Variants in RBFOX1 observed in about 807,000 individuals in gnomAD.
The protein encoded by RBFOX1 is RNA binding fox-1 homolog 1, also known as RNA binding protein fox-1 homolog 1.
RBFOX1 carries 8 observed loss-of-function variants against 57.7 expected under a neutral mutation model. That is an observed-to-expected ratio of 0.14 (90% CI 0.08 to 0.25). RBFOX1 has a LOEUF of 0.25. RBFOX1 is among the 10% of genes least tolerant of loss of function. RBFOX1 has a pLI of 1.00. For missense variants in RBFOX1, 611 were observed against 548.5 expected (o/e 1.11, Z -1.14); for synonymous variants, 326 against 222.4 (o/e 1.47, Z -4.15).
intron 2 of RBFOX1, among the ~76,000 whole-genome samples, chr16:6,488,317 G>C (rs1272714320): frequency 6.6e-6 from 1 of 152,204 alleles, no homozygotes; most frequent in Non-Finnish European, 1.5e-5. Context: ...ATTGTGGTTA[G>C]CTGAATGTGT....
At chr16:5,504,349 CA>C (rs1202004289) in intron 2 of RBFOX1, among the ~76,000 whole-genome samples, 1 of 152,230 alleles carries the variant, frequency 6.6e-6, no homozygotes, top group Non-Finnish European at 1.5e-5. Context: ...CTTGGCTCTG[CA>C]ACGCTTGCCC....
chr16:7,575,628 T>C (rs942600511), intron 5 of RBFOX1, among the ~76,000 whole-genome samples: 2 of 152,166 alleles, frequency 1.3e-5, no homozygotes, highest in African/African-American at 4.8e-5. Flanking sequence ...GTGGCCCTCC[T>C]GGCACCTTGA....
chr16:6,962,631 G>A (rs1269261191), intron 3 of RBFOX1, among the ~76,000 whole-genome samples: 5 of 152,118 alleles, frequency 3.3e-5, no homozygotes, highest in East Asian at 1.9e-4. Context: ...TTGGGAGGCC[G>A]AGGCCGGTAG....
At chr16:6,642,884 A>G (rs1363814114) in intron 2 of RBFOX1, among the ~76,000 whole-genome samples, 1 of 151,802 alleles carries the variant, frequency 6.6e-6, no homozygotes, top group East Asian at 1.9e-4. Flanking sequence ...GGTAAACTTT[A>G]CTCCCTTGGT....
chr16:6,447,400 A>G (rs981829476), intron 2 of RBFOX1, among the ~76,000 whole-genome samples: 5 of 152,192 alleles, frequency 3.3e-5, no homozygotes, highest in Non-Finnish European at 7.3e-5. Flanking sequence ...ACTATACAGA[A>G]ATGGGAGTTA....
chr16:7,263,987 A>C (rs1168194074), intron 4 of RBFOX1, among the ~76,000 whole-genome samples: 1 of 151,896 alleles, frequency 6.6e-6, no homozygotes, highest in Non-Finnish European at 1.5e-5. Context: ...AAACACAGAA[A>C]GATCTTGGCG....
chr16:7,488,599 C>A (rs12447971), intron 4 of RBFOX1, among the ~76,000 whole-genome samples: 1 of 151,946 alleles, frequency 6.6e-6, no homozygotes, highest in African/African-American at 2.4e-5. Flanking sequence ...TCTATCTATA[C>A]GTTCATCCGT....
chr16:5,810,022 G>C (rs1336323905), intron 3 of RBFOX1, among the ~76,000 whole-genome samples: 1 of 152,152 alleles, frequency 6.6e-6, no homozygotes, highest in Non-Finnish European at 1.5e-5. Flanking sequence ...CATGTCCTTT[G>C]TAGGGACATG....
intron 2 of RBFOX1, among the ~76,000 whole-genome samples, chr16:6,398,995 C>T (rs944844546): frequency 6.6e-6 from 1 of 152,222 alleles, no homozygotes; most frequent in African/African-American, 2.4e-5. Flanking sequence ...GGCATTTCCA[C>T]ACATCCTCTG....
At chr16:7,440,126 G>C (rs2149846930) in intron 4 of RBFOX1, among the ~76,000 whole-genome samples, 1 of 151,950 alleles carries the variant, frequency 6.6e-6, no homozygotes, top group East Asian at 1.9e-4. Flanking sequence ...GAACTCCTGG[G>C]CTCAAGAGAC....
chr16:7,027,992 A>C (rs1210187187), intron 3 of RBFOX1, among the ~76,000 whole-genome samples: 1 of 152,036 alleles, frequency 6.6e-6, no homozygotes, highest in African/African-American at 2.4e-5. Context: ...GACGAAAGGC[A>C]AGAAGGAAGG....
At chr16:7,204,598 A>C (rs957714629) in intron 4 of RBFOX1, among the ~76,000 whole-genome samples, 4 of 152,192 alleles carry the variant, frequency 2.6e-5, no homozygotes, top group African/African-American at 9.7e-5. Flanking sequence ...GTGAGCTATG[A>C]TCGTGCCATT....
intron 3 of RBFOX1, among the ~76,000 whole-genome samples, chr16:6,830,905 A>C (rs1470903539): frequency 3.3e-5 from 5 of 152,190 alleles, no homozygotes; most frequent in Admixed American, 1.3e-4. Flanking sequence ...ACATTTCAGC[A>C]ACCAGGTAGA....
At chr16:6,964,148 G>T (rs949427614) in intron 3 of RBFOX1, among the ~76,000 whole-genome samples, 13 of 152,118 alleles carry the variant, frequency 8.5e-5, no homozygotes, top group Non-Finnish European at 1.5e-4. Flanking sequence ...CTCCCAAGTA[G>T]GTGAGATTAC....
intron 3 of RBFOX1, among the ~76,000 whole-genome samples, chr16:6,766,201 G>C (rs1015802190): frequency 3.9e-5 from 6 of 151,990 alleles, no homozygotes; most frequent in Non-Finnish European, 7.4e-5. Flanking sequence ...ACATGAATAA[G>C]AGCCCTTCAG....
intron 3 of RBFOX1, among the ~76,000 whole-genome samples, chr16:6,867,318 C>G (rs1283320258): frequency 1.3e-5 from 2 of 151,844 alleles, no homozygotes; most frequent in African/African-American, 4.8e-5. Flanking sequence ...ATTATTGGCT[C>G]TGATGATGGT....
chr16:7,486,321 T>G (rs2065382820), intron 4 of RBFOX1, among the ~76,000 whole-genome samples: 1 of 151,674 alleles, frequency 6.6e-6, no homozygotes, highest in Non-Finnish European at 1.5e-5. Context: ...TTGGTAGAGA[T>G]GCGGTTTCAC....
intron 2 of RBFOX1, among the ~76,000 whole-genome samples, chr16:6,604,329 A>G (rs1259276498): frequency 6.6e-6 from 1 of 152,058 alleles, no homozygotes; most frequent in African/African-American, 2.4e-5. Context: ...TGATAACAGC[A>G]TTTTCTTATT....
At chr16:7,035,632 C>G (rs1301235935) in intron 3 of RBFOX1, among the ~76,000 whole-genome samples, 1 of 152,110 alleles carries the variant, frequency 6.6e-6, no homozygotes, top group Non-Finnish European at 1.5e-5. Context: ...GAAGAGCTCT[C>G]TGAGCTCGGT....
Sources: gnomAD v4.1 joint callset for allele counts (sites outside exome capture counted in the v4.1 genomes callset) on GRCh38, gnomAD v4.1.1 for gene constraint, MANE v1.5 for transcripts, NCBI Gene and HGNC (gene_info 2026-07-23, HGNC 2026-07-21) for gene names.